Variants in MICAL3 observed in about 807,000 individuals in gnomAD.
The protein encoded by MICAL3 is [F-actin]-monooxygenase MICAL3.
In MICAL3, 62 loss-of-function variants were observed where a neutral mutation model predicts 207.4. The ratio of observed to expected loss-of-function variants is 0.30; its 90% CI spans 0.24 to 0.37. The LOEUF (loss-of-function observed/expected upper bound fraction) is 0.37, where lower values mean the gene tolerates loss of function less well. Among genes scored for constraint, MICAL3 ranks in the 10% least tolerant of loss-of-function variants. The pLI is 1.00. For missense variants in MICAL3, 2,368 were observed against 2,635.6 expected (o/e 0.90, Z 2.22); for synonymous variants, 1,077 against 1,069.3 (o/e 1.01, Z -0.14).
chr22:17,809,687 T>C (rs1291764385), intron 28 of MICAL3, among the ~76,000 whole-genome samples: 1 of 152,172 alleles, frequency 6.6e-6, no homozygotes, highest in African/African-American at 2.4e-5. Flanking sequence ...ATTCAGGGTC[T>C]GTGCAGCCTG....
intron 1 of MICAL3, chr22:18,005,719 C>T (rs1923345852): frequency 6.6e-6 from 1 of 152,206 alleles, no homozygotes; most frequent in Non-Finnish European, 1.5e-5. Flanking sequence ...CCCCGTACCG[C>T]TGGAGTGCTG....
intron 1 of MICAL3, among the ~76,000 whole-genome samples, chr22:17,909,360 C>T (rs922170635): frequency 6.6e-6 from 1 of 151,964 alleles, no homozygotes. Flanking sequence ...CCTATCTCTA[C>T]CAAAAAATAC....
intron 1 of MICAL3, among the ~76,000 whole-genome samples, chr22:17,928,446 A>G (rs1423321115): frequency 6.9e-6 from 1 of 145,482 alleles, no homozygotes; most frequent in Non-Finnish European, 1.5e-5. Context: ...CTCAAAAAAA[A>G]AGAAAGAAAG....
chr22:17,906,578 T>G lies in MICAL3; in HGVS notation c.235A>C (p.Lys79Gln), dbSNP rs1280648060. The G allele has an allele frequency of 1.2e-6, 2 of 1,612,650 alleles. No homozygotes were observed. Among genetic ancestry groups the G allele is most frequent in the Non-Finnish European group, 8.5e-7 (1 of 1,178,936 alleles). ...GTGTTAGTGCACGCTTTTCCCTTTT[T>G]GTAGTCTTTGTGACTGCCCCGTTTG... is the stretch of plus-strand genomic sequence containing the variant. ...LDKRGSHKDY[K>Q]KGKACTNTKC... Residue 79 changes from lysine (K) to glutamine (Q), a missense_variant, in exon 2 of 32, where the codon AAA (lysine) becomes CAA (glutamine). Lys to Gln is a moderately conservative substitution (Grantham distance 53). Around this residue, in one of 4 missense-constraint regions of MICAL3, gnomAD observed 400 missense variants for 547.0 expected, o/e 0.73. Transcript: ENST00000441493.
At chr22:17,925,036 C>A (rs74371650) in intron 1 of MICAL3, among the ~76,000 whole-genome samples, 1 of 152,060 alleles carries the variant, frequency 6.6e-6, no homozygotes. Flanking sequence ...TCCTGGGATC[C>A]GAATAAGCCA....
At chr22:17,809,753 A>G (rs1284714737) in intron 28 of MICAL3, among the ~76,000 whole-genome samples, 2 of 152,174 alleles carry the variant, frequency 1.3e-5, no homozygotes, top group Admixed American at 1.3e-4. Flanking sequence ...TCCCACAAAA[A>G]TCCCAGGCCT....
intron 19 of MICAL3, among the ~76,000 whole-genome samples, chr22:17,859,276 C>G (rs1342084596): frequency 6.6e-6 from 1 of 152,210 alleles, no homozygotes; most frequent in Non-Finnish European, 1.5e-5. Context: ...TCTTCACGTT[C>G]CAAGAGAGCT....
At chr22:17,857,713 G>A (rs1319105263) in intron 19 of MICAL3, among the ~76,000 whole-genome samples, 3 of 152,256 alleles carry the variant, frequency 2.0e-5, no homozygotes, top group Admixed American at 6.5e-5. Context: ...GGCCCCAAGA[G>A]TCTGCAGCAA....
At chr22:17,883,407 C>T (rs1169399212) in intron 16 of MICAL3, among the ~76,000 whole-genome samples, 1 of 152,202 alleles carries the variant, frequency 6.6e-6, no homozygotes, top group Admixed American at 6.5e-5. Context: ...CTCACCACTC[C>T]TCAGTATCTC....
intron 1 of MICAL3, among the ~76,000 whole-genome samples, chr22:17,910,943 G>A (rs953965938): frequency 2.6e-5 from 4 of 152,214 alleles, no homozygotes; most frequent in Non-Finnish European, 5.9e-5. Context: ...CTGGCAGGAA[G>A]GTGCCAGAAA....
intron 1 of MICAL3, among the ~76,000 whole-genome samples, chr22:17,953,903 C>G (rs986315005): frequency 7.7e-6 from 1 of 129,322 alleles, no homozygotes; most frequent in Non-Finnish European, 1.6e-5. Context: ...TGCATTCCAG[C>G]CCAGGTGACA....
chr22:17,953,158 T>C (rs961197604), intron 1 of MICAL3, among the ~76,000 whole-genome samples: 28 of 152,268 alleles, frequency 1.8e-4, no homozygotes, highest in African/African-American at 6.3e-4. Flanking sequence ...GAGTGAGGCA[T>C]CTCTCTCTAG....
At position 17,872,278 on chromosome 22, in the gene MICAL3, C is replaced by T. The variant is rs144936079; in HGVS notation, c.2242-255G>A. 4.7e-4 allele frequency among the ~76,000 whole-genome samples: 72 copies of T among 152,304 alleles called. 1 individual carries two copies. In the East Asian group the frequency reaches 9.5e-3, roughly 20 times the overall value. ...AAAGCCTGGGCCAGCCTGCTGCTGA[C>T]GAGGGAGCCAGCATCACAGTGCTTC... On this transcript the variant is annotated intron_variant, in intron 16 of 31. Transcript: ENST00000441493.
chr22:17,983,848 T>C (rs1395539587), intron 1 of MICAL3, among the ~76,000 whole-genome samples: 2 of 152,112 alleles, frequency 1.3e-5, no homozygotes, highest in Non-Finnish European at 2.9e-5. Context: ...AATATTCTTG[T>C]TCCCAGGAAA....
chr22:17,994,659 C>T (rs1922078592), intron 1 of MICAL3, among the ~76,000 whole-genome samples: 1 of 151,332 alleles, frequency 6.6e-6, no homozygotes, highest in South Asian at 2.1e-4. Flanking sequence ...CTGCAGTGAG[C>T]CGAGATCATG....
intron 2 of MICAL3, 83 bp from the exon 3 acceptor site, chr22:17,904,922 TC>T (rs1931608969): frequency 9.6e-7 from 1 of 1,046,142 alleles, no homozygotes; most frequent in East Asian, 2.5e-5. Context: ...AGATCATCAC[TC>T]CCTAAAGCCC....
At chr22:17,891,037 C>T (rs991410484) in intron 12 of MICAL3, among the ~76,000 whole-genome samples, 2 of 152,176 alleles carry the variant, frequency 1.3e-5, no homozygotes, top group African/African-American at 4.8e-5. Flanking sequence ...TGATGTTTTG[C>T]TTTGTTAGTA....
rs749848067 is a variant in MICAL3 at position 17,902,121 on chromosome 22, G to A, written c.590-142C>T. 7.6e-5 allele frequency: 48 copies of A among 627,724 alleles called. No individual in the cohort carries two copies. Among genetic ancestry groups the A allele is most frequent in the Non-Finnish European group, 1.2e-4 (43 of 357,182 alleles). 38.9% of individuals were successfully genotyped at this position (627,724 alleles called of 1,614,324 possible). ...TGTAGAAGCAGTGGAGACAGAGGCT[G>A]TGCACGGTGGCTCGTGCCTCTAATC... On this transcript the variant is annotated intron_variant, in intron 4 of 31. Coordinates refer to ENST00000441493, the MANE Select transcript of MICAL3 (RefSeq NM_015241.3). This position sits in a 1 kb window ranked among gnomAD's most constrained non-coding sequence, Gnocchi z 4.5.
At chr22:17,849,765 G>GCTCA (rs1925094012) in intron 19 of MICAL3, among the ~76,000 whole-genome samples, 1 of 144,092 alleles carries the variant, frequency 6.9e-6, no homozygotes. Context: ...TGCAACCTCG[G>GCTCA]CTCACTGCAA....
Sources: gnomAD v4.1 joint callset for allele counts (sites outside exome capture counted in the v4.1 genomes callset) on GRCh38, gnomAD v4.1.1 for gene constraint, gnomAD v4.1.1 regional missense constraint, Gnocchi (gnomAD v3.1) non-coding constraint, MANE v1.5 for transcripts, NCBI Gene and HGNC (gene_info 2026-07-23, HGNC 2026-07-21) for gene names.